Variants in USP22 observed in about 807,000 individuals in gnomAD.
USP22 encodes the protein ubiquitin carboxyl-terminal hydrolase 22.
In USP22, 22 loss-of-function variants were observed where a neutral mutation model predicts 68.1. The observed-to-expected ratio is 0.32, with a 90% CI of 0.23 to 0.46. The LOEUF (loss-of-function observed/expected upper bound fraction) is 0.46. Ranked by LOEUF, USP22 falls within the 20% of genes least tolerant of loss-of-function variation. The probability of loss-of-function intolerance (pLI) is 1.00; values close to 1 mark genes in which losing one functional copy is unlikely to be tolerated. For synonymous variants in USP22, 279 were observed against 274.2 expected, an observed-to-expected ratio of 1.02 and a Z score of -0.17; for missense variants, 433 against 695.8, an observed-to-expected ratio of 0.62 and a Z score of 4.25.
At chr17:21,023,554 A>T (rs1194450278) in intron 2 of USP22, among the ~76,000 whole-genome samples, 1 of 150,492 alleles carries the variant, frequency 6.6e-6, no homozygotes, top group Non-Finnish European at 1.5e-5. Flanking sequence ...CTTAGGTGGA[A>T]GGATGGCTTG....
At chr17:21,015,665 T>C in intron 6 of USP22, 87 bp downstream of exon 6, 2 of 1,461,472 alleles carry the variant, frequency 1.4e-6, no homozygotes, top group Non-Finnish European at 1.8e-6. Flanking sequence ...GTGCCCCTTT[T>C]TGCACGAGTG....
intron 3 of USP22, 92 bp from the exon 4 acceptor site, chr17:21,019,277 T>C: frequency 7.7e-7 from 1 of 1,293,312 alleles, no homozygotes; most frequent in Non-Finnish European, 1.1e-6. Context: ...ATGCTGTCTG[T>C]CAGGGTGCAT....
At chr17:21,010,558 TC>T (rs1913930094) in intron 8 of USP22, among the ~76,000 whole-genome samples, 1 of 142,156 alleles carries the variant, frequency 7.0e-6, no homozygotes, top group African/African-American at 2.5e-5. Context: ...ACACCTGTAG[TC>T]CCAGCTACTC....
At chr17:21,020,124 A>C (rs1972134713) in intron 3 of USP22, among the ~76,000 whole-genome samples, 1 of 152,120 alleles carries the variant, frequency 6.6e-6, no homozygotes, top group Non-Finnish European at 1.5e-5. Context: ...TTCCTTTGCA[A>C]ACAGTGATGG....
chr17:21,041,641 C>T (rs1972433927), intron 1 of USP22, among the ~76,000 whole-genome samples: 1 of 152,130 alleles, frequency 6.6e-6, no homozygotes, highest in African/African-American at 2.4e-5. Flanking sequence ...ACATACCCTA[C>T]AATCTCAGCG....
chr17:21,006,707 G>T (rs1368114094), intron 10 of USP22, 189 bp downstream of exon 10: 2 of 355,096 alleles, frequency 5.6e-6, no homozygotes, highest in Non-Finnish European at 1.1e-5. Context: ...GTTTCACCAT[G>T]TTGGCCATGA....
chr17:21,042,900 G>A lies in USP22; in HGVS notation c.-65C>T. The stretch of plus-strand genomic sequence containing the variant: ...GGGAGGCGAGGACGACGCCAGCGCG[G>A]CGTGGGGGCTGCTCGGCGGCTGGCC... On this transcript the variant is annotated 5_prime_UTR_variant, in exon 1 of 13. Transcript: ENST00000261497. 9.1e-7 allele frequency: 1 copy of A among 1,100,718 alleles called. No homozygotes were observed. The highest frequency in any genetic ancestry group is 4.2e-5 in the South Asian group (1 of 23,992). The allele number at this position is 1,100,718 out of a possible 1,614,324, so 68.2% of individuals were successfully genotyped here.
At chr17:21,027,292 CAAAAAA>C (rs71357459) in intron 2 of USP22, among the ~76,000 whole-genome samples, 11 of 72,280 alleles carry the variant, frequency 1.5e-4, no homozygotes, top group South Asian at 8.1e-4. Flanking sequence ...ACCCTGTCTC[CAAAAAA>C]AAAAAAAAAA....
At chr17:21,036,030 C>CAAAAA (rs35324126) in intron 1 of USP22, among the ~76,000 whole-genome samples, 7 of 59,634 alleles carry the variant, frequency 1.2e-4, no homozygotes, top group Admixed American at 7.9e-4. Flanking sequence ...GACTCCGTCT[C>CAAAAA]AAAAAAAAAA....
chr17:21,008,019 G>A, intron 8 of USP22, 23 bp from the exon 9 acceptor site: 2 of 1,612,370 alleles, frequency 1.2e-6, no homozygotes, highest in Non-Finnish European at 1.7e-6. Context: ...AAAAAAGACA[G>A]GAGCGGTAAG....
chr17:21,028,805 T>C, intron 1 of USP22, 131 bp from the exon 2 acceptor site: 5 of 1,183,910 alleles, frequency 4.2e-6, no homozygotes, highest in Non-Finnish European at 5.8e-6. Flanking sequence ...CTTCAAGGCT[T>C]ACTACTCTAG....
Position 21,019,120 on chromosome 17 carries a change from G to A in USP22, c.484C>T (p.Pro162Ser). 1.2e-6 allele frequency: 2 copies of A among 1,614,160 alleles called. No individual in the cohort carries two copies. The highest frequency in any genetic ancestry group is 1.7e-6 in the Non-Finnish European group (2 of 1,180,002). ...TTCGAGGTGATCTTTCTCCTTTTCG[G>A]GTTGTGCTTCAGCAGTTCAAGCTCC... Reference protein sequence around the residue: ...KRELELLKHNPKRRKITSNCT... With the variant: ...KRELELLKHNSKRRKITSNCT... Residue 162 changes from proline to serine, a missense_variant, in exon 4 of 13, where the codon CCG becomes TCG. This residue lies in a region of USP22 where 144 missense variants were observed against 237.2 expected (regional missense o/e 0.61). Transcript: ENST00000261497.
chr17:21,042,749 G>A lies in USP22; in HGVS notation c.87C>T (p.Phe29=), dbSNP rs1195053482. 4.7e-6 allele frequency: 7 copies of A among 1,497,838 alleles called. No individual in the cohort carries two copies. Among genetic ancestry groups the A allele is most frequent in the African/African-American group, 1.4e-5 (1 of 69,900 alleles). The allele number at this position is 1,497,838 out of a possible 1,614,324, so 92.8% of individuals were successfully genotyped here. The change falls in exon 1 of 13, where the codon TTC becomes TTT. Residue 29 remains phenylalanine, a synonymous_variant. Transcript: ENST00000261497. The part of the protein sequence containing the change: ...APPGCSHLGS[F]KVDNWKQNLR... Reference sequence around the variant, plus strand: ...GGTTCTGCTTCCAGTTGTCCACCTTGAAGCTGCCCAGGTGCGAGCAGCCCG... The same window carrying A: ...GGTTCTGCTTCCAGTTGTCCACCTTAAAGCTGCCCAGGTGCGAGCAGCCCG...
At chr17:21,009,284 A>T (rs1349062462) in intron 8 of USP22, among the ~76,000 whole-genome samples, 1 of 152,020 alleles carries the variant, frequency 6.6e-6, no homozygotes. Context: ...ACCAGCAAAA[A>T]ATTCACTCTT....
intron 7 of USP22, 86 bp from the exon 8 acceptor site, chr17:21,011,395 C>T (rs1473676669): frequency 1.3e-6 from 2 of 1,493,388 alleles, no homozygotes; most frequent in Non-Finnish European, 1.8e-6. Context: ...GTTCCCACAT[C>T]CCTTCCCCGC....
chr17:21,042,050 C>T (rs1034316188), intron 1 of USP22, among the ~76,000 whole-genome samples: 1 of 152,256 alleles, frequency 6.6e-6, no homozygotes, highest in African/African-American at 2.4e-5. Context: ...CAGCCCGCCT[C>T]CTGCCCCAGC....
chr17:21,038,305 G>A (rs978753600), intron 1 of USP22, among the ~76,000 whole-genome samples: 2 of 152,022 alleles, frequency 1.3e-5, no homozygotes, highest in African/African-American at 4.8e-5. Context: ...ATAAAAACAA[G>A]TAATGAGAGC....
chr17:21,018,639 G>A (rs1972117343), intron 4 of USP22, among the ~76,000 whole-genome samples: 1 of 151,992 alleles, frequency 6.6e-6, no homozygotes, highest in Non-Finnish European at 1.5e-5. Context: ...TTGGGCCCAG[G>A]AGACAGAGGG....
chr17:21,027,167 C>G (rs1207676311), intron 2 of USP22, among the ~76,000 whole-genome samples: 1 of 151,228 alleles, frequency 6.6e-6, no homozygotes, highest in Non-Finnish European at 1.5e-5. Flanking sequence ...GTGGTGTGTG[C>G]CTGTGGTCCC....
Sources: allele counts gnomAD v4.1 joint callset (sites outside exome capture counted in the v4.1 genomes callset), GRCh38; gene constraint gnomAD v4.1.1; regional missense constraint gnomAD v4.1.1; transcripts MANE v1.5; gene names NCBI Gene and HGNC (gene_info 2026-07-23, HGNC 2026-07-21).